PTPRD: variants seen among roughly 807,000 people sequenced by gnomAD.
PTPRD encodes the protein protein tyrosine phosphatase receptor type D.
In PTPRD, 34 loss-of-function variants were observed where a neutral mutation model predicts 214.5. The ratio of observed to expected loss-of-function variants is 0.16; its 90% CI spans 0.12 to 0.21. The LOEUF is 0.21. Ranked by LOEUF, PTPRD falls within the 10% of genes least tolerant of loss-of-function variation. The pLI is 1.00. For synonymous variants in PTPRD, 1,128 were observed against 845.7 expected (o/e 1.33, Z -5.79); for missense variants, 2,545 against 2,398.7 (o/e 1.06, Z -1.27).
chr9:9,607,806 C>T (rs551420703), intron 7 of PTPRD, among the ~76,000 whole-genome samples: 5 of 151,544 alleles, frequency 3.3e-5, no homozygotes, highest in South Asian at 2.1e-4. Context: ...TGATAGATTC[C>T]GAAGGCTTGC....
At chr9:10,131,278 C>T (rs1208222191) in intron 3 of PTPRD, among the ~76,000 whole-genome samples, 1 of 152,086 alleles carries the variant, frequency 6.6e-6, no homozygotes, top group East Asian at 1.9e-4. Flanking sequence ...TAAGTTCTGT[C>T]CCTTAGACAC....
At chr9:9,262,374 A>G (rs1594769459) in intron 9 of PTPRD, among the ~76,000 whole-genome samples, 1 of 151,310 alleles carries the variant, frequency 6.6e-6, no homozygotes, top group Non-Finnish European at 1.5e-5. Flanking sequence ...AAAAATATTA[A>G]TGTAATGTTT....
chr9:9,972,951 A>G (rs1186153539), intron 4 of PTPRD, among the ~76,000 whole-genome samples: 1 of 152,146 alleles, frequency 6.6e-6, no homozygotes, highest in Non-Finnish European at 1.5e-5. Context: ...AAGGTAGCAT[A>G]TTCACAGGTT....
At chr9:9,088,274 G>C (rs1036464877) in intron 10 of PTPRD, among the ~76,000 whole-genome samples, 1 of 151,332 alleles carries the variant, frequency 6.6e-6, no homozygotes, top group Non-Finnish European at 1.5e-5. Flanking sequence ...TGTTAAGGAA[G>C]GGACAATCTT....
At chr9:10,573,119 A>G (rs947134710) in intron 2 of PTPRD, among the ~76,000 whole-genome samples, 3 of 152,092 alleles carry the variant, frequency 2.0e-5, no homozygotes, top group Admixed American at 6.6e-5. Flanking sequence ...GTAGTCCCCA[A>G]TACGTGATGC....
At chr9:8,541,953 C>T (rs2078550163) in intron 14 of PTPRD, among the ~76,000 whole-genome samples, 1 of 151,910 alleles carries the variant, frequency 6.6e-6, no homozygotes, top group Non-Finnish European at 1.5e-5. Context: ...GTAAAACTGC[C>T]AAACAATGGC....
At chr9:9,367,517 T>A (rs563188986) in intron 9 of PTPRD, among the ~76,000 whole-genome samples, 2 of 151,756 alleles carry the variant, frequency 1.3e-5, no homozygotes, top group South Asian at 4.1e-4. Context: ...ATAACAACTT[T>A]GGATGTTTTT....
At chr9:8,451,530 T>A (rs1031590568) in intron 33 of PTPRD, among the ~76,000 whole-genome samples, 6 of 152,216 alleles carry the variant, frequency 3.9e-5, no homozygotes, top group African/African-American at 1.4e-4. Flanking sequence ...TGATGGCCAG[T>A]TTCAGAGTAG....
At chr9:10,596,616 A>G (rs1044870899) in intron 2 of PTPRD, among the ~76,000 whole-genome samples, 2 of 151,708 alleles carry the variant, frequency 1.3e-5, no homozygotes, top group African/African-American at 4.8e-5. Flanking sequence ...TAAGCAGGGA[A>G]TTAAATAAGT....
intron 3 of PTPRD, among the ~76,000 whole-genome samples, chr9:10,035,281 G>T (rs1047656566): frequency 2.6e-5 from 4 of 151,612 alleles, no homozygotes; most frequent in African/African-American, 9.7e-5. Context: ...ACTTTTTAAT[G>T]GGGTATTTTT....
chr9:8,404,742 A>T, intron 35 of PTPRD, 82 bp from the exon 36 acceptor site: 1 of 1,457,672 alleles, frequency 6.9e-7, no homozygotes, highest in Non-Finnish European at 9.2e-7. Flanking sequence ...TGTAATAAAC[A>T]TGATTTAAAA....
chr9:8,392,926 T>A (rs2090062952), intron 36 of PTPRD, among the ~76,000 whole-genome samples: 1 of 152,150 alleles, frequency 6.6e-6, no homozygotes, highest in South Asian at 2.1e-4. Context: ...TAACCCCAGA[T>A]TGGAAGCTAA....
rs2097563808 is a variant in PTPRD, at chr9:8,507,353, T to C, written c.1625A>G (p.Asp542Gly). 6.2e-7 allele frequency: 1 copy of C among 1,614,062 alleles called. No individual in the cohort carries two copies. The highest frequency in any genetic ancestry group is 8.5e-7 in the Non-Finnish European group (1 of 1,179,886). ...GACCAGTTCATAGTTGGCAATGGTA[T>C]CTGAACGTGGAGGTGTCCAAGAGAG... is the stretch of plus-strand genomic sequence containing the variant. ...ILLSWTPPRS[D>G]TIANYELVYK... The change falls in exon 22 of 46, where the codon GAT (aspartate) becomes GGT (glycine). Residue 542 changes from aspartate to glycine, a missense_variant. By Grantham distance (94) the Asp-to-Gly change is moderately conservative. Transcript: ENST00000381196.
intron 35 of PTPRD, among the ~76,000 whole-genome samples, chr9:8,433,560 C>T (rs2095196346): frequency 6.6e-6 from 1 of 152,144 alleles, no homozygotes; most frequent in Admixed American, 6.5e-5. Flanking sequence ...ATTGATGATT[C>T]TGACTCTGTG....
Position 10,021,415 on chromosome 9 carries a change from A to G in PTPRD, c.-472+12303T>C. On this transcript the variant is annotated intron_variant, in intron 4 of 45. Coordinates refer to ENST00000381196, the MANE Select transcript of PTPRD (RefSeq NM_002839.4). Reference sequence around the variant, plus strand: ...CACGGTGTAGCTTAGGTGTATATCAATACAATATTAGTTTCTTTTTCTTTT... The same window carrying G: ...CACGGTGTAGCTTAGGTGTATATCAGTACAATATTAGTTTCTTTTTCTTTT... Among the ~76,000 whole-genome samples the G allele has an allele frequency of 1.2e-4, 2 of 16,536 alleles. 1 individual carries two copies. Among genetic ancestry groups the G allele is most frequent in the Admixed American group, 6.4e-4 (2 of 3,110 alleles). 10.8% of individuals were successfully genotyped at this position (16,536 alleles called of 152,430 possible).
intron 12 of PTPRD, among the ~76,000 whole-genome samples, chr9:8,679,934 C>T (rs1301833230): frequency 6.6e-6 from 1 of 152,180 alleles, no homozygotes; most frequent in Admixed American, 6.5e-5. Flanking sequence ...ATATTTCACA[C>T]TGCATGTCTA....
intron 4 of PTPRD, among the ~76,000 whole-genome samples, chr9:10,001,926 G>T (rs1016343235): frequency 2.0e-5 from 3 of 151,942 alleles, no homozygotes; most frequent in African/African-American, 4.8e-5. Context: ...TGTTTAAAAC[G>T]CTTTTATACT....
intron 11 of PTPRD, among the ~76,000 whole-genome samples, chr9:8,762,099 G>A (rs1218100401): frequency 6.6e-6 from 1 of 152,120 alleles, no homozygotes; most frequent in African/African-American, 2.4e-5. Context: ...CAGTTTAGGG[G>A]ATGTGTGTGT....
At chr9:8,520,351 C>T (rs981787096) in intron 20 of PTPRD, among the ~76,000 whole-genome samples, 6 of 151,966 alleles carry the variant, frequency 3.9e-5, no homozygotes, top group Non-Finnish European at 5.9e-5. Context: ...TTGATATATA[C>T]GCTTGGTTAG....
Sources: allele counts gnomAD v4.1 joint callset (sites outside exome capture counted in the v4.1 genomes callset), GRCh38; gene constraint gnomAD v4.1.1; transcripts MANE v1.5; gene names NCBI Gene and HGNC (gene_info 2026-07-23, HGNC 2026-07-21).